PCCA: variants seen among roughly 807,000 people sequenced by gnomAD.
PCCA encodes propionyl-CoA carboxylase subunit alpha.
Under a neutral mutation model 101.3 loss-of-function variants are expected in PCCA, and 74 were observed. The ratio of observed to expected loss-of-function variants is 0.73; its 90% CI spans 0.61 to 0.89. The LOEUF (loss-of-function observed/expected upper bound fraction) is 0.89, where lower values mean the gene tolerates loss of function less well. Ranked by LOEUF, PCCA falls within the 40% of genes least tolerant of loss-of-function variation. The pLI is 0.00. For missense variants in PCCA, 891 were observed against 907.0 expected (o/e 0.98, Z 0.23); for synonymous variants, 294 against 313.6 (o/e 0.94, Z 0.66).
At chr13:100,376,988 G>A (rs540266276) in intron 19 of PCCA, among the ~76,000 whole-genome samples, 45 of 152,320 alleles carry the variant, frequency 3.0e-4, no homozygotes, top group African/African-American at 1.0e-3. Context: ...CGTGGGAAAC[G>A]CTTAGTATCT....
chr13:100,503,487 TC>T (rs141205457), intron 21 of PCCA, among the ~76,000 whole-genome samples: 9 of 150,414 alleles, frequency 6.0e-5, no homozygotes, highest in South Asian at 4.2e-4. Flanking sequence ...CGAAACTCCA[TC>T]CCCCCCCAAA....
At chr13:100,207,831 A>G (rs1429635230) in intron 6 of PCCA, among the ~76,000 whole-genome samples, 1 of 151,916 alleles carries the variant, frequency 6.6e-6, no homozygotes, top group Non-Finnish European at 1.5e-5. Context: ...CATCCTGGCC[A>G]ATATGGTGAA....
chr13:100,402,508 G>C (rs893784746), intron 19 of PCCA, among the ~76,000 whole-genome samples: 5 of 152,076 alleles, frequency 3.3e-5, no homozygotes, highest in Non-Finnish European at 5.9e-5. Flanking sequence ...CGTTCTTCAA[G>C]ATCAGGGCAC....
At chr13:100,219,787 A>G (rs913763466) in intron 7 of PCCA, among the ~76,000 whole-genome samples, 1 of 152,226 alleles carries the variant, frequency 6.6e-6, no homozygotes, top group Admixed American at 6.5e-5. Context: ...TCTCTTGAAT[A>G]AAACAGAACA....
At chr13:100,267,689 T>A (rs2063035965) in intron 10 of PCCA, among the ~76,000 whole-genome samples, 1 of 152,218 alleles carries the variant, frequency 6.6e-6, no homozygotes, top group African/African-American at 2.4e-5. Context: ...TTGGTCCGTT[T>A]CTGAAAATCA....
intron 6 of PCCA, among the ~76,000 whole-genome samples, chr13:100,180,563 G>A (rs1384370961): frequency 1.3e-5 from 2 of 152,176 alleles, no homozygotes; most frequent in Non-Finnish European, 2.9e-5. Context: ...AACAGTTAGA[G>A]TTAGGGGGTA....
intron 21 of PCCA, among the ~76,000 whole-genome samples, chr13:100,477,955 A>G (rs1283221003): frequency 6.6e-6 from 1 of 152,236 alleles, no homozygotes; most frequent in Non-Finnish European, 1.5e-5. Flanking sequence ...GGCCGCGGGC[A>G]GTACCCAGCC....
intron 4 of PCCA, among the ~76,000 whole-genome samples, chr13:100,125,295 T>G (rs745446343): frequency 2.0e-5 from 3 of 152,208 alleles, no homozygotes; most frequent in Non-Finnish European, 4.4e-5. Context: ...TTCCAGACAT[T>G]TAGGTTGCAA....
chr13:100,182,098 CTTTTTTT>C (rs558498604), intron 6 of PCCA, among the ~76,000 whole-genome samples: 13 of 105,472 alleles, frequency 1.2e-4, no homozygotes, highest in South Asian at 3.1e-4. Context: ...TTTTCTTTTT[CTTTTTTT>C]TTTTTTTTTT....
intron 21 of PCCA, among the ~76,000 whole-genome samples, chr13:100,505,814 C>T (rs940875157): frequency 3.3e-5 from 5 of 151,534 alleles, no homozygotes; most frequent in Non-Finnish European, 7.4e-5. Flanking sequence ...CTGCAGTGAG[C>T]CATGCCTGGG....
chr13:100,403,786 G>A (rs2077508355), intron 19 of PCCA, among the ~76,000 whole-genome samples: 1 of 152,242 alleles, frequency 6.6e-6, no homozygotes, highest in East Asian at 1.9e-4. Context: ...CTTCCTGCCT[G>A]CAGCTTGAAT....
chr13:100,362,046 TA>T (rs1442996269), intron 18 of PCCA, among the ~76,000 whole-genome samples: 1 of 152,004 alleles, frequency 6.6e-6, no homozygotes, highest in Non-Finnish European at 1.5e-5. Flanking sequence ...GTTGGTACAG[TA>T]AAATACTTCT....
At chr13:100,306,644 G>A (rs902852683) in intron 14 of PCCA, among the ~76,000 whole-genome samples, 1 of 151,062 alleles carries the variant, frequency 6.6e-6, no homozygotes, top group African/African-American at 2.4e-5. Context: ...CTCTAATTGG[G>A]GCTTTACAAA....
At chr13:100,293,584 A>G (rs923390506) in intron 12 of PCCA, among the ~76,000 whole-genome samples, 3 of 152,202 alleles carry the variant, frequency 2.0e-5, no homozygotes, top group Non-Finnish European at 4.4e-5. Context: ...AATTATTGGG[A>G]AAAGGATTTC....
intron 4 of PCCA, among the ~76,000 whole-genome samples, chr13:100,118,103 A>G (rs922412753): frequency 1.1e-4 from 17 of 150,136 alleles, no homozygotes; most frequent in African/African-American, 2.7e-4. Context: ...GCGACAGAGC[A>G]AGACTCCATC....
intron 19 of PCCA, among the ~76,000 whole-genome samples, chr13:100,380,990 T>C (rs531391325): frequency 1.3e-5 from 2 of 152,370 alleles, no homozygotes; most frequent in African/African-American, 4.8e-5. Context: ...AGAGATGTTC[T>C]GCATCATAAG....
chr13:100,095,203 A>C (rs2046658822), intron 1 of PCCA, among the ~76,000 whole-genome samples: 1 of 151,618 alleles, frequency 6.6e-6, no homozygotes, highest in Non-Finnish European at 1.5e-5. Flanking sequence ...TTCTTTTATA[A>C]AGACACTTTT....
chr13:100,501,362 C>T (rs551226199), intron 21 of PCCA, among the ~76,000 whole-genome samples: 1 of 152,308 alleles, frequency 6.6e-6, no homozygotes, highest in Non-Finnish European at 1.5e-5. Flanking sequence ...CATCCACCCT[C>T]CTCCCACCCC....
chr13:100,270,854 A>G (rs1479979572), intron 11 of PCCA, among the ~76,000 whole-genome samples: 2 of 151,872 alleles, frequency 1.3e-5, no homozygotes, highest in Non-Finnish European at 2.9e-5. Flanking sequence ...ACAAAAAAGT[A>G]AAAAATCAGC....
Sources: gnomAD v4.1 joint callset for allele counts (sites outside exome capture counted in the v4.1 genomes callset) on GRCh38, gnomAD v4.1.1 for gene constraint, MANE v1.5 for transcripts, NCBI Gene and HGNC (gene_info 2026-07-23, HGNC 2026-07-21) for gene names.